The following THEMIS variants were observed in gnomAD, a reference collection of about 807,000 sequenced individuals.
The protein encoded by THEMIS is thymocyte selection associated, also known as protein THEMIS.
Under a neutral mutation model 52.6 loss-of-function variants are expected in THEMIS, and 37 were observed. The ratio of observed to expected loss-of-function variants is 0.70; its 90% CI spans 0.54 to 0.93. The LOEUF is 0.93. THEMIS is among the 40% of genes least tolerant of loss of function. The probability of loss-of-function intolerance (pLI) is 0.00; values close to 1 mark genes in which losing one functional copy is unlikely to be tolerated. For missense variants in THEMIS, 808 were observed against 763.1 expected (o/e 1.06, Z -0.69); for synonymous variants, 292 against 272.7 (o/e 1.07, Z -0.70).
chr6:127,719,884 GA>G lies in THEMIS; in HGVS notation c.1759-62del, dbSNP rs940710865. The G allele has an allele frequency of 3.2e-6, 5 of 1,579,808 alleles. No homozygotes were observed. In the African/African-American group the frequency reaches 6.9e-5, roughly 22 times the overall value. On this transcript the variant is annotated intron_variant, in intron 4 of 5. Transcript: ENST00000368248. ...CAAAATAAATGCTTCATAGAGATATGAAAGATTTATCACATGGCAATTCATT... is the reference window on the plus strand; with the variant it reads ...CAAAATAAATGCTTCATAGAGATATGAAGATTTATCACATGGCAATTCATT...
chr6:127,739,572 C>CA (rs1554217477), intron 4 of THEMIS, among the ~76,000 whole-genome samples: 11 of 152,108 alleles, frequency 7.2e-5, no homozygotes, highest in South Asian at 2.1e-4. Context: ...ACCCGGGAGG[C>CA]GAGCTTACTG....
chr6:127,811,235 A>G lies in THEMIS; in HGVS notation c.1758+1648T>C, dbSNP rs542157866. Among the ~76,000 whole-genome samples, 310 of 152,274 alleles carry G rather than the reference A, an allele frequency of 2.0e-3. 2 individuals are homozygous for G. Among genetic ancestry groups the G allele is most frequent in the Non-Finnish European group, 3.1e-3 (213 of 68,024 alleles). On this transcript the variant is annotated intron_variant, in intron 4 of 5. Coordinates refer to ENST00000368248, the MANE Select transcript of THEMIS (RefSeq NM_001010923.3). ...CAACTTAGTGGCTTAAATAATACAA[A>G]TTTATTATTTTACAGTCCTATAGGT...
intron 4 of THEMIS, among the ~76,000 whole-genome samples, chr6:127,793,061 C>T (rs1777211043): frequency 6.6e-6 from 1 of 152,160 alleles, no homozygotes; most frequent in African/African-American, 2.4e-5. Context: ...ACAAATGTAA[C>T]CCCTTGAAAT....
At chr6:127,730,451 AAG>A (rs905429636) in intron 4 of THEMIS, among the ~76,000 whole-genome samples, 9 of 37,940 alleles carry the variant, frequency 2.4e-4, no homozygotes, top group African/African-American at 1.3e-3. Flanking sequence ...GAACAAACGA[AAG>A]AAAGAAAGAA....
intron 1 of THEMIS, among the ~76,000 whole-genome samples, chr6:127,885,031 C>T (rs936002548): frequency 2.0e-5 from 3 of 152,162 alleles, no homozygotes; most frequent in Non-Finnish European, 4.4e-5. Flanking sequence ...TCCTTAGAGG[C>T]CCCATCTTCT....
intron 4 of THEMIS, among the ~76,000 whole-genome samples, chr6:127,755,698 TG>T (rs1775798714): frequency 1.3e-5 from 2 of 152,108 alleles, no homozygotes; most frequent in Non-Finnish European, 2.9e-5. Flanking sequence ...GCAACCTTTT[TG>T]TTTTTATAAA....
intron 2 of THEMIS, among the ~76,000 whole-genome samples, chr6:127,835,293 G>A (rs1416196021): frequency 5.3e-5 from 8 of 152,104 alleles, no homozygotes; most frequent in Admixed American, 4.6e-4. Flanking sequence ...TCAGGATAAA[G>A]GGAACACAAC....
At chr6:127,729,144 CT>C (rs1447796945) in intron 4 of THEMIS, among the ~76,000 whole-genome samples, 41 of 3,076 alleles carry the variant, frequency 0.013, 1 homozygote, top group African/African-American at 0.052. Flanking sequence ...AATTTATTCT[CT>C]CTCTCTCTCT....
chr6:127,744,910 C>T lies in THEMIS; in HGVS notation c.1759-25087G>A, dbSNP rs138971517. Among the ~76,000 whole-genome samples the T allele has an allele frequency of 7.8e-4, 118 of 151,928 alleles. 1 individual carries two copies. In the East Asian group the frequency reaches 0.019, roughly 24 times the overall value. On this transcript the variant is annotated intron_variant, in intron 4 of 5. Coordinates refer to ENST00000368248, the MANE Select transcript of THEMIS (RefSeq NM_001010923.3). ...TTTTGGAGGTGATGAATATGTTTAT[C>T]ACCTTGATTGAGATATAATTGTAAT...
At chr6:127,710,737 G>A (rs1165660770) in intron 5 of THEMIS, among the ~76,000 whole-genome samples, 3 of 151,912 alleles carry the variant, frequency 2.0e-5, no homozygotes, top group Non-Finnish European at 4.4e-5. Flanking sequence ...TATGGAGCGC[G>A]ATGGATGGGT....
intron 4 of THEMIS, among the ~76,000 whole-genome samples, chr6:127,757,390 C>T (rs1379083673): frequency 1.3e-5 from 2 of 151,916 alleles, no homozygotes; most frequent in Non-Finnish European, 2.9e-5. Context: ...TTAATTCACC[C>T]GTGCATACAT....
chr6:127,854,250 C>T (rs1258757896), intron 2 of THEMIS, among the ~76,000 whole-genome samples: 1 of 151,762 alleles, frequency 6.6e-6, no homozygotes, highest in Non-Finnish European at 1.5e-5. Flanking sequence ...TAGCCATGCT[C>T]ATTGGTTTAT....
chr6:127,900,518 T>C (rs1781104494), intron 1 of THEMIS, among the ~76,000 whole-genome samples: 1 of 152,042 alleles, frequency 6.6e-6, no homozygotes, highest in East Asian at 1.9e-4. Flanking sequence ...GAAACATAAA[T>C]ATTGATAACT....
chr6:127,744,917 A>G lies in THEMIS; in HGVS notation c.1759-25094T>C, dbSNP rs551394564. Among the ~76,000 whole-genome samples, 5 of 152,098 alleles carry G rather than the reference A, an allele frequency of 3.3e-5. No individual in the cohort carries two copies. In the East Asian group the frequency reaches 9.6e-4, roughly 29 times the overall value. On this transcript the variant is annotated intron_variant, in intron 4 of 5. Coordinates refer to ENST00000368248, the MANE Select transcript of THEMIS (RefSeq NM_001010923.3). Reference sequence around the variant, plus strand: ...GGTGATGAATATGTTTATCACCTTGATTGAGATATAATTGTAATATCAAGG... The same window carrying G: ...GGTGATGAATATGTTTATCACCTTGGTTGAGATATAATTGTAATATCAAGG...
At chr6:127,818,867 C>A (rs1176951855) in intron 3 of THEMIS, among the ~76,000 whole-genome samples, 1 of 151,736 alleles carries the variant, frequency 6.6e-6, no homozygotes, top group Non-Finnish European at 1.5e-5. Context: ...CGCCTGTAAT[C>A]CCAGGACTTT....
intron 4 of THEMIS, among the ~76,000 whole-genome samples, chr6:127,811,938 T>C (rs1281801553): frequency 1.3e-5 from 2 of 152,240 alleles, no homozygotes; most frequent in East Asian, 3.8e-4. Context: ...CAGAATGCAA[T>C]ATCTGAGATG....
At chr6:127,795,563 C>T (rs1188914124) in intron 4 of THEMIS, among the ~76,000 whole-genome samples, 4 of 152,262 alleles carry the variant, frequency 2.6e-5, no homozygotes, top group South Asian at 2.1e-4. Context: ...CTCCTGACCT[C>T]GTGATCTGCC....
intron 4 of THEMIS, among the ~76,000 whole-genome samples, chr6:127,740,436 T>G (rs1175000617): frequency 6.7e-6 from 1 of 149,450 alleles, no homozygotes; most frequent in African/African-American, 2.5e-5. Flanking sequence ...GATGTAAAAT[T>G]CAAACTGTGA....
intron 4 of THEMIS, among the ~76,000 whole-genome samples, chr6:127,782,929 A>G (rs1421154428): frequency 2.0e-5 from 3 of 152,242 alleles, no homozygotes; most frequent in Non-Finnish European, 2.9e-5. Context: ...CTACATAGCC[A>G]AAACAATCCT....
Sources: gnomAD v4.1 joint callset for allele counts (sites outside exome capture counted in the v4.1 genomes callset) on GRCh38, gnomAD v4.1.1 for gene constraint, MANE v1.5 for transcripts, NCBI Gene and HGNC (gene_info 2026-07-23, HGNC 2026-07-21) for gene names.